The following RBM41 variants were observed in gnomAD, a reference collection of about 807,000 sequenced individuals.
RBM41 encodes RNA binding motif protein 41.
RBM41 carries 14 observed loss-of-function variants against 30.8 expected under a neutral mutation model. The observed-to-expected ratio is 0.45, with a 90% CI of 0.30 to 0.71. The LOEUF (loss-of-function observed/expected upper bound fraction) is 0.71. Ranked by LOEUF, RBM41 falls within the 30% of genes least tolerant of loss-of-function variation. RBM41 has a pLI of 0.08. For missense variants in RBM41, 276 were observed against 326.3 expected (o/e 0.85, Z 1.19); for synonymous variants, 120 against 110.1 (o/e 1.09, Z -0.56).
At chrX:107,095,207 G>A (rs1310766905) in intron 5 of RBM41, among the ~76,000 whole-genome samples, 1 of 107,293 alleles carries the variant, frequency 9.3e-6, no homozygotes, top group African/African-American at 3.4e-5. Flanking sequence ...TTTATTCACA[G>A]GAAATAGGAT....
At chrX:107,116,122 A>C (rs781131999) in intron 2 of RBM41, 68 bp from the exon 3 acceptor site, 1 of 1,028,936 alleles carries the variant, frequency 9.7e-7, no homozygotes, top group East Asian at 3.5e-5. Flanking sequence ...ATGGAGGTTC[A>C]GCACTGTAAG....
At chrX:107,087,828 T>C (rs1281446257) in intron 6 of RBM41, among the ~76,000 whole-genome samples, 1 of 112,194 alleles carries the variant, frequency 8.9e-6, no homozygotes, top group Admixed American at 9.4e-5. Context: ...GGTCTCGAAC[T>C]CCTGACCTCG....
chrX:107,084,459 A>G (rs373140916), intron 6 of RBM41, among the ~76,000 whole-genome samples: 6 of 111,530 alleles, frequency 5.4e-5, no homozygotes, highest in African/African-American at 1.6e-4. Flanking sequence ...CCCTTTACTA[A>G]GTAGAAAGTT....
chrX:107,087,102 T>C (rs895793902), intron 6 of RBM41, among the ~76,000 whole-genome samples: 1 of 111,486 alleles, frequency 9.0e-6, no homozygotes, highest in East Asian at 2.8e-4. Context: ...GAGAATGGGA[T>C]TGGTGAGGAA....
Position 107,064,199 on chromosome X carries a change from C to A in RBM41, c.*3328G>T, listed in dbSNP as rs996119946. ...ATCTCCTGACCCCATGATCTCCACCCGCCCCGGCCTCCCAAAGTGCTGGGA... is the reference window on the plus strand; with the variant it reads ...ATCTCCTGACCCCATGATCTCCACCAGCCCCGGCCTCCCAAAGTGCTGGGA... On this transcript the variant is annotated 3_prime_UTR_variant, in exon 8 of 8. Transcript: ENST00000685964. Among the ~76,000 whole-genome samples, 1 of 110,365 alleles carries A rather than the reference C, an allele frequency of 9.1e-6. No homozygotes were observed. The highest frequency in any genetic ancestry group is 1.9e-5 in the Non-Finnish European group (1 of 52,882).
Position 107,065,703 on chromosome X carries a change from A to C in RBM41, c.*1824T>G. The C allele has an allele frequency of 8.8e-7, 1 of 1,130,002 alleles. No homozygotes were observed. Among genetic ancestry groups the C allele is most frequent in the Non-Finnish European group, 1.2e-6 (1 of 854,304 alleles). The allele number at this position is 1,130,002 out of a possible 1,213,427, so 93.1% of individuals were successfully genotyped here. A position where few individuals can be genotyped will look rare whatever the true frequency, so the allele number is the denominator to read the frequency against. On this transcript the variant is annotated 3_prime_UTR_variant, in exon 8 of 8. Coordinates refer to ENST00000685964, the MANE Select transcript of RBM41 (RefSeq NM_001324242.2). ...TTTGTTCCTGTGGATTTGTCTTACC[A>C]TCTGGAGTCAGTTCTTTAGTACAAG... is the stretch of plus-strand genomic sequence containing the variant.
intron 6 of RBM41, among the ~76,000 whole-genome samples, chrX:107,076,303 C>A (rs908741789): frequency 2.9e-5 from 3 of 102,168 alleles, no homozygotes; most frequent in Admixed American, 1.1e-4. Context: ...GACGACAGTG[C>A]CAGACTCCGT....
At chrX:107,074,739 A>G (rs762564909) in intron 6 of RBM41, among the ~76,000 whole-genome samples, 5 of 111,972 alleles carry the variant, frequency 4.5e-5, no homozygotes, top group Non-Finnish European at 9.4e-5. Flanking sequence ...ACTGAAAACT[A>G]CAAATGTTGC....
At chrX:107,076,343 A>ATAAATAAC (rs1298195010) in intron 6 of RBM41, among the ~76,000 whole-genome samples, 2 of 107,109 alleles carry the variant, frequency 1.9e-5, no homozygotes, top group Non-Finnish European at 3.9e-5. Context: ...AAATAAATAA[A>ATAAATAAC]TAAATAAATA....
At chrX:107,107,961 CT>C (rs1462694095) in intron 5 of RBM41, among the ~76,000 whole-genome samples, 1 of 111,281 alleles carries the variant, frequency 9.0e-6, no homozygotes, top group African/African-American at 3.3e-5. Flanking sequence ...ATATATGTTT[CT>C]TTCTCACTGA....
At position 107,062,284 on chromosome X, in the gene RBM41, G is replaced by A. The variant is rs1000445715; in HGVS notation, c.*5243C>T. Reference sequence around the variant, plus strand: ...GGATTCCATTGCATGGATATACTACGGTTTATCTATGCACCAGTTGAAGGA... The same window carrying A: ...GGATTCCATTGCATGGATATACTACAGTTTATCTATGCACCAGTTGAAGGA... On this transcript the variant is annotated 3_prime_UTR_variant, in exon 8 of 8. Transcript: ENST00000685964. Among the ~76,000 whole-genome samples the A allele has an allele frequency of 2.7e-5, 3 of 111,389 alleles. No homozygotes were observed. Among genetic ancestry groups the A allele is most frequent in the Non-Finnish European group, 5.7e-5 (3 of 53,037 alleles).
intron 6 of RBM41, among the ~76,000 whole-genome samples, chrX:107,075,131 A>C (rs779235310): frequency 8.9e-6 from 1 of 112,316 alleles, no homozygotes; most frequent in Non-Finnish European, 1.9e-5. Flanking sequence ...CTGATCTTCT[A>C]CAAGTGTCCC....
chrX:107,065,475 T>A lies in RBM41; in HGVS notation c.*2052A>T, dbSNP rs1935800297. On this transcript the variant is annotated 3_prime_UTR_variant, in exon 8 of 8. Coordinates refer to ENST00000685964, the MANE Select transcript of RBM41 (RefSeq NM_001324242.2). ...GATAAACACTAACTTAATTCCAATGTAACAACCCTATTCCTATATAAACCC... is the reference window on the plus strand; with the variant it reads ...GATAAACACTAACTTAATTCCAATGAAACAACCCTATTCCTATATAAACCC... 4.9e-6 allele frequency: 1 copy of A among 203,040 alleles called. No individual in the cohort carries two copies. Among genetic ancestry groups the A allele is most frequent in the African/African-American group, 2.9e-5 (1 of 33,997 alleles). The allele number at this position is 203,040 out of a possible 1,213,427, so 16.7% of individuals were successfully genotyped here.
chrX:107,084,745 C>G (rs1921865108), intron 6 of RBM41, among the ~76,000 whole-genome samples: 1 of 111,779 alleles, frequency 8.9e-6, no homozygotes, highest in South Asian at 3.8e-4. Context: ...CTGCCCGTTT[C>G]TTCAGATTTC....
At chrX:107,098,221 T>A (rs1200579176) in intron 5 of RBM41, among the ~76,000 whole-genome samples, 1 of 111,847 alleles carries the variant, frequency 8.9e-6, no homozygotes, top group Non-Finnish European at 1.9e-5. Flanking sequence ...ATATGTCAAT[T>A]GACCTCAATT....
chrX:107,053,498 T>C, the RBM41 span, among the ~76,000 whole-genome samples: 1 of 113,175 alleles, frequency 8.8e-6, no homozygotes, highest in Non-Finnish European at 1.9e-5. Context: ...GTGGTGTTTA[T>C]TTCTGTGCTG....
At chrX:107,116,923 C>T (rs940763641) in intron 1 of RBM41, among the ~76,000 whole-genome samples, 157 bp from the exon 2 acceptor site, 6 of 112,656 alleles carry the variant, frequency 5.3e-5, no homozygotes, top group African/African-American at 1.6e-4. Context: ...TGAACACTTA[C>T]TAAATACCTG....
intron 5 of RBM41, among the ~76,000 whole-genome samples, chrX:107,106,390 G>C (rs1923990832): frequency 9.0e-6 from 1 of 111,421 alleles, no homozygotes; most frequent in Admixed American, 9.5e-5. Flanking sequence ...AGAGGATGTG[G>C]AGAAATAGGA....
intron 6 of RBM41, among the ~76,000 whole-genome samples, chrX:107,072,286 A>G (rs1210886386): frequency 8.9e-6 from 1 of 111,942 alleles, no homozygotes; most frequent in Non-Finnish European, 1.9e-5. Context: ...GAACAGATAC[A>G]CAAATTCCAT....
Sources: gnomAD v4.1 joint callset for allele counts (sites outside exome capture counted in the v4.1 genomes callset) on GRCh38, gnomAD v4.1.1 for gene constraint, MANE v1.5 for transcripts, NCBI Gene and HGNC (gene_info 2026-07-23, HGNC 2026-07-21) for gene names.